CTNNA2: variants seen among roughly 807,000 people sequenced by gnomAD.
The protein encoded by CTNNA2 is catenin alpha-2.
CTNNA2 carries 42 observed loss-of-function variants against 101.0 expected under a neutral mutation model. The observed-to-expected ratio is 0.42, with a 90% CI of 0.32 to 0.54. The LOEUF is 0.54. Ranked by LOEUF, CTNNA2 falls within the 20% of genes least tolerant of loss-of-function variation. The pLI, the probability that CTNNA2 is intolerant of heterozygous loss-of-function variation, is 0.14. For missense variants in CTNNA2, 871 were observed against 1,223.1 expected, an observed-to-expected ratio of 0.71 and a Z score of 4.29; for synonymous variants, 450 against 456.4, an observed-to-expected ratio of 0.99 and a Z score of 0.18.
chr2:80,125,468 G>A (rs577695340), intron 7 of CTNNA2, among the ~76,000 whole-genome samples: 2 of 152,242 alleles, frequency 1.3e-5, no homozygotes, highest in South Asian at 4.2e-4. Context: ...CCAGTCATTT[G>A]GCCGCCCACA....
intron 7 of CTNNA2, among the ~76,000 whole-genome samples, chr2:80,265,244 G>T (rs1272677381): frequency 6.6e-6 from 1 of 152,104 alleles, no homozygotes; most frequent in Non-Finnish European, 1.5e-5. Flanking sequence ...TAAAATGTTG[G>T]AATTACAGGC....
intron 4 of CTNNA2, among the ~76,000 whole-genome samples, chr2:79,378,235 A>G (rs1678000876): frequency 6.6e-6 from 1 of 152,184 alleles, no homozygotes. Context: ...TCAAAACCAA[A>G]TGTACATGTC....
At chr2:79,403,211 A>G (rs746705456) in intron 4 of CTNNA2, among the ~76,000 whole-genome samples, 8 of 151,838 alleles carry the variant, frequency 5.3e-5, no homozygotes, top group Non-Finnish European at 1.0e-4. Flanking sequence ...AGACAATAAA[A>G]TTTTATGGAT....
At chr2:79,986,794 G>A (rs572049348) in intron 7 of CTNNA2, among the ~76,000 whole-genome samples, 3 of 152,278 alleles carry the variant, frequency 2.0e-5, no homozygotes, top group African/African-American at 7.2e-5. Context: ...GATGGGGTAG[G>A]AGTCCCAGAG....
At chr2:80,136,812 A>G (rs1311309485) in intron 7 of CTNNA2, among the ~76,000 whole-genome samples, 1 of 152,164 alleles carries the variant, frequency 6.6e-6, no homozygotes, top group African/African-American at 2.4e-5. Flanking sequence ...AAGAGGTAAT[A>G]AAGTCTAGTG....
In CTNNA2 at chr2:80,049,560, A is replaced by G. The variant is rs549291474; in HGVS notation, c.1056+139763A>G. On this transcript the variant is annotated intron_variant, in intron 7 of 18. Transcript: ENST00000402739. ...TTGAACATTGTGAACTCAGCTGTTC[A>G]TAGGAACCCAGGAACCTCTTCACAC... 6.6e-5 allele frequency among the ~76,000 whole-genome samples: 10 copies of G among 152,294 alleles called. No individual in the cohort carries two copies. In the East Asian group the frequency reaches 1.9e-3, roughly 29 times the overall value.
chr2:80,019,838 T>C lies in CTNNA2; in HGVS notation c.1056+110041T>C, dbSNP rs368224751. 1.3e-4 allele frequency among the ~76,000 whole-genome samples: 20 copies of C among 152,332 alleles called. 1 individual carries two copies. The highest frequency in any genetic ancestry group is 1.0e-3 in the Admixed American group (16 of 15,300). On this transcript the variant is annotated intron_variant, in intron 7 of 18. Transcript: ENST00000402739. ...TCTCTCTTGTTCTGATCTAACTAAG[T>C]GATATATCTAATTGGATTTAAACAC...
intron 9 of CTNNA2, among the ~76,000 whole-genome samples, chr2:80,516,012 T>C (rs975766871): frequency 6.6e-6 from 1 of 152,202 alleles, no homozygotes; most frequent in Non-Finnish European, 1.5e-5. Context: ...CTCTCTCTCT[T>C]TCTCTACTCC....
intron 1 of CTNNA2, among the ~76,000 whole-genome samples, chr2:79,197,392 C>T (rs111435086): frequency 2.6e-5 from 4 of 152,198 alleles, no homozygotes; most frequent in African/African-American, 9.7e-5. Context: ...CTGGTTGGAC[C>T]TCAATTGGAA....
At chr2:79,434,623 G>T (rs756642194) in intron 4 of CTNNA2, among the ~76,000 whole-genome samples, 3 of 152,128 alleles carry the variant, frequency 2.0e-5, no homozygotes, top group African/African-American at 7.2e-5. Context: ...TCTGGGTGAT[G>T]CCAAATTCAA....
chr2:80,373,048 G>T (rs1279917757), intron 7 of CTNNA2, among the ~76,000 whole-genome samples: 1 of 152,206 alleles, frequency 6.6e-6, no homozygotes, highest in Non-Finnish European at 1.5e-5. Flanking sequence ...CATGCAGATT[G>T]TGACCATGAT....
intron 11 of CTNNA2, among the ~76,000 whole-genome samples, chr2:80,552,321 A>AT (rs1476085463): frequency 2.0e-5 from 3 of 152,136 alleles, no homozygotes; most frequent in Non-Finnish European, 4.4e-5. Context: ...TTCAATTTGT[A>AT]TTTGGGGGGG....
intron 2 of CTNNA2, among the ~76,000 whole-genome samples, chr2:79,278,337 A>T (rs113774243): frequency 1.1e-4 from 17 of 152,220 alleles, no homozygotes; most frequent in African/African-American, 4.1e-4. Flanking sequence ...TAATGAGGAG[A>T]GACGGGGAAG....
chr2:79,382,996 T>C (rs182082121), intron 4 of CTNNA2, among the ~76,000 whole-genome samples: 3 of 152,332 alleles, frequency 2.0e-5, no homozygotes, highest in Non-Finnish European at 4.4e-5. Context: ...GATATGGAGA[T>C]GAAAAGAAGA....
At chr2:79,632,381 C>T (rs1214892219) in intron 1 of CTNNA2, among the ~76,000 whole-genome samples, 3 of 151,976 alleles carry the variant, frequency 2.0e-5, no homozygotes, top group Admixed American at 2.0e-4. Context: ...AACTCCTAAC[C>T]AGAAAATTTT....
intron 4 of CTNNA2, among the ~76,000 whole-genome samples, chr2:79,860,816 G>A (rs1199276148): frequency 6.6e-6 from 1 of 151,980 alleles, no homozygotes. Flanking sequence ...AAGACAATAC[G>A]TCAATAATTC....
At chr2:79,727,130 T>C (rs1283414965) in intron 2 of CTNNA2, among the ~76,000 whole-genome samples, 1 of 152,272 alleles carries the variant, frequency 6.6e-6, no homozygotes, top group Non-Finnish European at 1.5e-5. Flanking sequence ...AAAATTGTTT[T>C]GCACATTCTG....
chr2:79,315,645 T>C (rs1396711250), intron 3 of CTNNA2, among the ~76,000 whole-genome samples: 1 of 152,216 alleles, frequency 6.6e-6, no homozygotes, highest in Non-Finnish European at 1.5e-5. Flanking sequence ...ATTTGATTTA[T>C]TTATTAAACA....
chr2:79,929,899 GA>G (rs1246140209), intron 7 of CTNNA2, among the ~76,000 whole-genome samples: 1 of 152,102 alleles, frequency 6.6e-6, no homozygotes, highest in African/African-American at 2.4e-5. Context: ...ACCTGGCTAT[GA>G]TTTAGCAAAG....
Sources: allele counts gnomAD v4.1 joint callset (sites outside exome capture counted in the v4.1 genomes callset), GRCh38; gene constraint gnomAD v4.1.1; transcripts MANE v1.5; gene names NCBI Gene and HGNC (gene_info 2026-07-23, HGNC 2026-07-21).